PDGFC: variants seen among roughly 807,000 people sequenced by gnomAD.
PDGFC encodes the protein platelet derived growth factor C, also known as platelet-derived growth factor C.
PDGFC carries 12 observed loss-of-function variants against 35.5 expected under a neutral mutation model. That is an observed-to-expected ratio of 0.34 (90% confidence interval 0.22 to 0.55). The LOEUF is 0.55. Ranked by LOEUF, PDGFC falls within the 20% of genes least tolerant of loss-of-function variation. The pLI is 0.91. For missense variants in PDGFC, 322 were observed against 412.4 expected (o/e 0.78, Z 1.90); for synonymous variants, 159 against 148.8 (o/e 1.07, Z -0.50).
At chr4:156,828,635 T>G (rs1483650600) in intron 2 of PDGFC, among the ~76,000 whole-genome samples, 1 of 152,184 alleles carries the variant, frequency 6.6e-6, no homozygotes, top group Admixed American at 6.5e-5. Flanking sequence ...TGTGTGTGTA[T>G]ATATATGCAT....
At chr4:156,964,305 C>A (rs975963596) in intron 1 of PDGFC, among the ~76,000 whole-genome samples, 4 of 151,208 alleles carry the variant, frequency 2.6e-5, no homozygotes, top group African/African-American at 9.7e-5. Context: ...AAGTACAGTT[C>A]TAACATAATG....
At chr4:156,949,774 T>C (rs578227765) in intron 1 of PDGFC, among the ~76,000 whole-genome samples, 1 of 152,066 alleles carries the variant, frequency 6.6e-6, no homozygotes, top group African/African-American at 2.4e-5. Context: ...AATCAAAGAC[T>C]GCACAAATGA....
At chr4:156,843,320 T>C (rs1729249230) in intron 2 of PDGFC, among the ~76,000 whole-genome samples, 1 of 152,174 alleles carries the variant, frequency 6.6e-6, no homozygotes, top group Non-Finnish European at 1.5e-5. Context: ...CTTCCCAGCA[T>C]CCAGAACTGT....
intron 2 of PDGFC, among the ~76,000 whole-genome samples, chr4:156,844,836 A>T (rs2111066111): frequency 6.6e-6 from 1 of 152,172 alleles, no homozygotes; most frequent in Non-Finnish European, 1.5e-5. Context: ...AAATATATGT[A>T]ACCTCTATTA....
intron 1 of PDGFC, among the ~76,000 whole-genome samples, chr4:156,967,014 A>G (rs1732482298): frequency 6.7e-6 from 1 of 150,216 alleles, no homozygotes; most frequent in Non-Finnish European, 1.5e-5. Context: ...GAGAACCAGG[A>G]GGAAGTTTTT....
At position 156,795,590 on chromosome 4, in the gene PDGFC, C is replaced by CT. The variant is rs199742724; in HGVS notation, c.495+15246dup. On this transcript the variant is annotated intron_variant, in intron 3 of 5. Transcript: ENST00000502773. Reference sequence around the variant, plus strand: ...TCTCCACCTGAACTACTCAAGTTAACTAATGGTCCAGCTACAAACCCCAAA... The same window carrying CT: ...TCTCCACCTGAACTACTCAAGTTAACTTAATGGTCCAGCTACAAACCCCAAA... Among the ~76,000 whole-genome samples, 214 of 152,280 alleles carry CT rather than the reference C, an allele frequency of 1.4e-3. 4 individuals carry two copies. The East Asian group carries it at 0.036, about 26-fold the overall frequency.
In PDGFC at chr4:156,971,405, C is replaced by T. The variant is rs1036868503; in HGVS notation, c.-502G>A. 1.0e-5 allele frequency: 4 copies of T among 391,902 alleles called. No homozygotes were observed. The highest frequency in any genetic ancestry group is 6.2e-5 in the African/African-American group (3 of 48,266). 24.3% of individuals were successfully genotyped at this position (391,902 alleles called of 1,614,324 possible). A position where few individuals can be genotyped will look rare whatever the true frequency, so the allele number is the denominator to read the frequency against. ...TGCGGCTCTCCGGGCGCCCCTCTCC[C>T]CCGCCCCACCCCCCACCCCCGAAGG... On this transcript the variant is annotated 5_prime_UTR_variant, in exon 1 of 6. Coordinates refer to ENST00000502773, the MANE Select transcript of PDGFC (RefSeq NM_016205.3).
At chr4:156,811,141 C>A (rs979992447) in intron 2 of PDGFC, 124 bp from the exon 3 acceptor site, 2 of 481,588 alleles carry the variant, frequency 4.2e-6, no homozygotes, top group South Asian at 1.3e-4. Context: ...AAAATTTAAC[C>A]GGGAACATAT....
At chr4:156,797,471 T>C (rs1731477427) in intron 3 of PDGFC, among the ~76,000 whole-genome samples, 1 of 152,066 alleles carries the variant, frequency 6.6e-6, no homozygotes, top group African/African-American at 2.4e-5. Flanking sequence ...AACAGCTGGA[T>C]TGGTCACAGC....
At chr4:156,886,843 A>T (rs1730388238) in intron 1 of PDGFC, 1 of 152,234 alleles carries the variant, frequency 6.6e-6, no homozygotes, top group Non-Finnish European at 1.5e-5. Flanking sequence ...AGGAAAAAAT[A>T]AAAGATTTAA....
chr4:156,882,139 A>G (rs1215614710), intron 1 of PDGFC, among the ~76,000 whole-genome samples: 2 of 152,120 alleles, frequency 1.3e-5, no homozygotes, highest in African/African-American at 4.8e-5. Flanking sequence ...CCAAGTCCTA[A>G]GTATCCTGCT....
At position 156,762,958 on chromosome 4, in the gene PDGFC, T is replaced by C; in HGVS notation, c.*132A>G. The stretch of plus-strand genomic sequence containing the variant: ...TGATGTCTCCTCTTTCAGAATGCAC[T>C]GTAAATCCTGAAGATGAAAGGTCCT... On this transcript the variant is annotated 3_prime_UTR_variant, in exon 6 of 6. Transcript: ENST00000502773. 1 of 597,960 alleles carries C rather than the reference T, an allele frequency of 1.7e-6. No individual in the cohort carries two copies. Among genetic ancestry groups the C allele is most frequent in the Non-Finnish European group, 3.1e-6 (1 of 323,278 alleles). The allele number at this position is 597,960 out of a possible 1,614,324, so 37.0% of individuals were successfully genotyped here.
intron 1 of PDGFC, among the ~76,000 whole-genome samples, chr4:156,947,962 T>C (rs1315976539): frequency 6.6e-6 from 1 of 151,920 alleles, no homozygotes; most frequent in African/African-American, 2.4e-5. Context: ...TTTCTCGATC[T>C]GCTAGTCTCA....
chr4:156,808,048 A>C (rs1731819565), intron 3 of PDGFC, among the ~76,000 whole-genome samples: 1 of 152,090 alleles, frequency 6.6e-6, no homozygotes, highest in African/African-American at 2.4e-5. Context: ...TGTCTTTGGT[A>C]ATATAGCGTA....
chr4:156,863,055 G>C (rs1560846314), intron 1 of PDGFC, among the ~76,000 whole-genome samples: 1 of 151,970 alleles, frequency 6.6e-6, no homozygotes, highest in African/African-American at 2.4e-5. Context: ...TCATACATAA[G>C]TTTTTACCAG....
At chr4:156,895,791 G>A (rs1385281380) in intron 1 of PDGFC, among the ~76,000 whole-genome samples, 7 of 151,956 alleles carry the variant, frequency 4.6e-5, no homozygotes, top group East Asian at 1.9e-4. Context: ...TATGAGACAC[G>A]GGTCACACAG....
intron 4 of PDGFC, among the ~76,000 whole-genome samples, chr4:156,768,503 A>G (rs1481653511): frequency 2.0e-5 from 3 of 152,048 alleles, no homozygotes; most frequent in South Asian, 2.1e-4. Flanking sequence ...CCATCATAAA[A>G]TATAAAAAAA....
intron 1 of PDGFC, among the ~76,000 whole-genome samples, chr4:156,922,845 T>C (rs1346857386): frequency 6.6e-6 from 1 of 151,976 alleles, no homozygotes; most frequent in African/African-American, 2.4e-5. Flanking sequence ...GATGAGACAG[T>C]GAAAAAGGAT....
intron 2 of PDGFC, among the ~76,000 whole-genome samples, chr4:156,816,391 C>A (rs905881122): frequency 6.6e-6 from 1 of 152,106 alleles, no homozygotes; most frequent in African/African-American, 2.4e-5. Flanking sequence ...CAGAATGCAA[C>A]TGGTACACAA....
Sources: gnomAD v4.1 joint callset for allele counts (sites outside exome capture counted in the v4.1 genomes callset) on GRCh38, gnomAD v4.1.1 for gene constraint, MANE v1.5 for transcripts, NCBI Gene and HGNC (gene_info 2026-07-23, HGNC 2026-07-21) for gene names.